TMC7: variants seen among roughly 807,000 people sequenced by gnomAD.
TMC7 encodes transmembrane channel-like protein 7.
TMC7 carries 54 observed loss-of-function variants against 82.9 expected under a neutral mutation model. The ratio of observed to expected loss-of-function variants is 0.65; its 90% CI spans 0.52 to 0.82. The LOEUF (loss-of-function observed/expected upper bound fraction) is 0.82. Among genes scored for constraint, TMC7 ranks in the 40% least tolerant of loss-of-function variants. The pLI is 0.00. For missense variants in TMC7, 820 were observed against 901.2 expected (o/e 0.91, Z 1.15); for synonymous variants, 350 against 337.9 (o/e 1.04, Z -0.39).
At chr16:19,022,253 T>C (rs1287432309) in intron 4 of TMC7, among the ~76,000 whole-genome samples, 1 of 152,194 alleles carries the variant, frequency 6.6e-6, no homozygotes, top group African/African-American at 2.4e-5. Flanking sequence ...TGTTACTGTA[T>C]TGGACACATT....
Position 19,023,021 on chromosome 16 carries a change from GAACA to G in TMC7, c.629-69_629-66del, listed in dbSNP as rs752199350. The stretch of plus-strand genomic sequence containing the variant: ...GATGACAGAGCGAGACTCCATCTCA[GAACA>G]AACAAACAAACAAACAAACAAAAAA... On this transcript the variant is annotated intron_variant, in intron 4 of 15. Coordinates refer to ENST00000304381, the MANE Select transcript of TMC7 (RefSeq NM_024847.4). 590 of 739,746 alleles carry G rather than the reference GAACA, an allele frequency of 8.0e-4. 1 individual carries two copies. Among genetic ancestry groups the G allele is most frequent in the South Asian group, 1.2e-3 (63 of 53,566 alleles). The allele number at this position is 739,746 out of a possible 1,614,324, so 45.8% of individuals were successfully genotyped here.
At position 18,983,935 on chromosome 16, in the gene TMC7, C is replaced by T. The variant is rs2038794120; in HGVS notation, c.-129C>T. On this transcript the variant is annotated 5_prime_UTR_variant, in exon 1 of 16. Coordinates refer to ENST00000304381, the MANE Select transcript of TMC7 (RefSeq NM_024847.4). ...CTCGGCTCCTCGCGGGGGCGCCCCACTCCGGCTTCTGTGATGTCAGCGCCG... is the reference window on the plus strand; with the variant it reads ...CTCGGCTCCTCGCGGGGGCGCCCCATTCCGGCTTCTGTGATGTCAGCGCCG... 7 of 1,043,988 alleles carry T rather than the reference C, an allele frequency of 6.7e-6. No homozygotes were observed. Among genetic ancestry groups the T allele is most frequent in the Non-Finnish European group, 8.9e-6 (7 of 788,474 alleles). The allele number at this position is 1,043,988 out of a possible 1,614,324, so 64.7% of individuals were successfully genotyped here. A position where few individuals can be genotyped will look rare whatever the true frequency, so the allele number is the denominator to read the frequency against.
chr16:18,992,451 T>G (rs1225839189), intron 1 of TMC7, among the ~76,000 whole-genome samples: 2 of 152,334 alleles, frequency 1.3e-5, no homozygotes, highest in East Asian at 3.9e-4. Context: ...GTTGTTTGTT[T>G]TTTTCTTGTA....
At chr16:19,058,037 A>G (rs936228935) in intron 14 of TMC7, among the ~76,000 whole-genome samples, 1 of 151,146 alleles carries the variant, frequency 6.6e-6, no homozygotes, top group African/African-American at 2.4e-5. Context: ...CCTCCTGAGT[A>G]GCTGGGACAC....
At chr16:19,042,069 CA>C (rs148583693) in intron 9 of TMC7, among the ~76,000 whole-genome samples, 102 of 152,260 alleles carry the variant, frequency 6.7e-4, no homozygotes, top group African/African-American at 2.2e-3. Flanking sequence ...GAAACCTCAT[CA>C]GGGGTGCCGT....
At chr16:19,004,816 C>T (rs2039207586) in intron 1 of TMC7, among the ~76,000 whole-genome samples, 1 of 151,968 alleles carries the variant, frequency 6.6e-6, no homozygotes, top group Admixed American at 6.6e-5. Flanking sequence ...TACTAATTGT[C>T]TGAGCCTCAG....
chr16:19,058,877 A>G (rs1266791504), intron 14 of TMC7, among the ~76,000 whole-genome samples: 1 of 151,462 alleles, frequency 6.6e-6, no homozygotes, highest in Admixed American at 6.6e-5. Context: ...CTAATTTTAC[A>G]TTTTCTTTTC....
intron 11 of TMC7, among the ~76,000 whole-genome samples, chr16:19,046,247 T>G (rs1184610224): frequency 6.6e-6 from 1 of 152,194 alleles, no homozygotes; most frequent in African/African-American, 2.4e-5. Context: ...TTGCTAGTCA[T>G]GTGACCTTGG....
intron 12 of TMC7, among the ~76,000 whole-genome samples, chr16:19,049,039 AT>A (rs987009861): frequency 7.2e-5 from 11 of 151,740 alleles, no homozygotes; most frequent in African/African-American, 2.7e-4. Context: ...TAGTTAAGAA[AT>A]TTTTTTTTGA....
chr16:19,046,988 A>G (rs985305621), intron 11 of TMC7, 75 bp from the exon 12 acceptor site: 1 of 1,279,758 alleles, frequency 7.8e-7, no homozygotes, highest in Admixed American at 2.3e-5. Context: ...GCATGGAAAT[A>G]GTCCTGATCT....
At chr16:19,023,790 G>A (rs188872356) in intron 5 of TMC7, among the ~76,000 whole-genome samples, 6 of 152,160 alleles carry the variant, frequency 3.9e-5, no homozygotes, top group African/African-American at 1.2e-4. Context: ...CAATACCGAG[G>A]TCCCCCACAG....
At chr16:18,991,131 CA>C (rs2038943889) in intron 1 of TMC7, among the ~76,000 whole-genome samples, 1 of 152,062 alleles carries the variant, frequency 6.6e-6, no homozygotes, top group African/African-American at 2.4e-5. Flanking sequence ...TGGGAACCTA[CA>C]GTGGGAGAGA....
intron 1 of TMC7, among the ~76,000 whole-genome samples, chr16:19,008,725 G>A (rs2039284214): frequency 6.6e-6 from 1 of 152,170 alleles, no homozygotes; most frequent in Non-Finnish European, 1.5e-5. Context: ...TGTTGCTGAT[G>A]TTGTTGCCAT....
chr16:19,058,299 G>A (rs1259427077), intron 14 of TMC7, among the ~76,000 whole-genome samples: 2 of 152,200 alleles, frequency 1.3e-5, no homozygotes, highest in South Asian at 2.1e-4. Flanking sequence ...AGAATTCCTT[G>A]AACCCGAGAG....
intron 11 of TMC7, among the ~76,000 whole-genome samples, chr16:19,046,325 G>A (rs1261560782): frequency 1.3e-5 from 2 of 152,186 alleles, no homozygotes; most frequent in Admixed American, 6.5e-5. Flanking sequence ...TACCCACCCA[G>A]TAACTTTGTG....
chr16:18,984,059 C>T lies in TMC7; in HGVS notation c.-5C>T. On this transcript the variant is annotated 5_prime_UTR_variant, in exon 1 of 16. Transcript: ENST00000304381. ...GGCAGCCTCTGAGGAGCGCGGGGCG[C>T]GGCCATGAGCGAGTCCAGCGGCAGT... 2.0e-6 allele frequency: 3 copies of T among 1,479,676 alleles called. No homozygotes were observed. The highest frequency in any genetic ancestry group is 1.3e-5 in the South Asian group (1 of 77,800). 91.7% of individuals were successfully genotyped at this position (1,479,676 alleles called of 1,614,324 possible).
At chr16:19,045,887 C>T (rs998537538) in intron 11 of TMC7, among the ~76,000 whole-genome samples, 5 of 151,814 alleles carry the variant, frequency 3.3e-5, no homozygotes, top group African/African-American at 9.7e-5. Flanking sequence ...TGAGCCACCG[C>T]GCCCGGCCAA....
chr16:19,040,305 T>C lies in TMC7; in HGVS notation c.1196T>C (p.Val399Ala), dbSNP rs759961434. 1.2e-6 allele frequency: 2 copies of C among 1,613,098 alleles called. No homozygotes were observed. The highest frequency in any genetic ancestry group is 1.7e-6 in the Non-Finnish European group (2 of 1,179,758). ...EHMKKEIDKM[V>A]FGENLFILYL... Reference sequence around the variant, plus strand: ...TCCTCCTAGGAAATCGACAAGATGGTTTTTGGAGAGAACCTCTTCATATTG... The same window carrying C: ...TCCTCCTAGGAAATCGACAAGATGGCTTTTGGAGAGAACCTCTTCATATTG... Residue 399 changes from valine (V) to alanine (A), a missense_variant, in exon 9 of 16, where the codon GTT (valine) becomes GCT (alanine). Coordinates refer to ENST00000304381, the MANE Select transcript of TMC7 (RefSeq NM_024847.4).
At chr16:19,023,648 T>C (rs1960089044) in intron 5 of TMC7, among the ~76,000 whole-genome samples, 2 of 152,170 alleles carry the variant, frequency 1.3e-5, no homozygotes, top group Non-Finnish European at 1.5e-5. Context: ...AGTTTCACCA[T>C]GTTGGCCAGG....
Sources: allele counts gnomAD v4.1 joint callset (sites outside exome capture counted in the v4.1 genomes callset), GRCh38; gene constraint gnomAD v4.1.1; transcripts MANE v1.5; gene names NCBI Gene and HGNC (gene_info 2026-07-23, HGNC 2026-07-21).